Variants in GREM2 observed in about 807,000 individuals in gnomAD.
GREM2 encodes gremlin-2.
In GREM2, 11 loss-of-function variants were observed where a neutral mutation model predicts 14.2. The ratio of observed to expected loss-of-function variants is 0.78; its 90% CI spans 0.49 to 1.28. The LOEUF (loss-of-function observed/expected upper bound fraction) is 1.28, where lower values mean the gene tolerates loss of function less well. GREM2 is among the 50% of genes most tolerant of loss of function. The pLI, the probability that GREM2 is intolerant of heterozygous loss-of-function variation, is 0.00. For synonymous variants in GREM2, 98 were observed against 97.6 expected (o/e 1.00, Z -0.02); for missense variants, 210 against 218.5 (o/e 0.96, Z 0.24).
chr1:240,499,512 T>G (rs1677515379), intron 1 of GREM2, among the ~76,000 whole-genome samples: 1 of 152,176 alleles, frequency 6.6e-6, no homozygotes, highest in East Asian at 1.9e-4. Context: ...AGATTACACT[T>G]CAGAGGTCAT....
rs765383055 is a variant in GREM2, at chr1:240,554,412, GAAAAAAA to G, written c.-2+57465_-2+57471del. Among the ~76,000 whole-genome samples, 4 of 113,520 alleles carry G rather than the reference GAAAAAAA, an allele frequency of 3.5e-5. No homozygotes were observed. In the South Asian group the frequency reaches 1.1e-3, roughly 31 times the overall value. 74.5% of individuals were successfully genotyped at this position (113,520 alleles called of 152,430 possible). On this transcript the variant is annotated intron_variant, in intron 1 of 1. Coordinates refer to ENST00000318160, the MANE Select transcript of GREM2 (RefSeq NM_022469.4). ...GGTGACAAGAAAGAAACTCCGTCTC[GAAAAAAA>G]AAAAAAAAGATGAGGTCTCACTATG...
At chr1:240,553,582 A>G (rs548898773) in intron 1 of GREM2, among the ~76,000 whole-genome samples, 1 of 152,324 alleles carries the variant, frequency 6.6e-6, no homozygotes, top group South Asian at 2.1e-4. Flanking sequence ...CACTTTAAAC[A>G]GTTAACACTT....
intron 1 of GREM2, among the ~76,000 whole-genome samples, chr1:240,503,708 C>A (rs891343006): frequency 2.6e-5 from 4 of 152,212 alleles, no homozygotes; most frequent in Admixed American, 6.5e-5. Flanking sequence ...GATATTATTT[C>A]TCTGGCCACT....
intron 1 of GREM2, among the ~76,000 whole-genome samples, chr1:240,525,632 C>T (rs1028327084): frequency 1.3e-5 from 2 of 152,058 alleles, no homozygotes; most frequent in South Asian, 2.1e-4. Flanking sequence ...GTGTGCACCA[C>T]CACACCTGGC....
intron 1 of GREM2, among the ~76,000 whole-genome samples, chr1:240,595,699 T>G (rs1679807943): frequency 6.6e-6 from 1 of 152,088 alleles, no homozygotes; most frequent in Non-Finnish European, 1.5e-5. Flanking sequence ...CCGAGTTGGG[T>G]CTGAATTCTG....
intron 1 of GREM2, among the ~76,000 whole-genome samples, chr1:240,567,568 C>A (rs1679193993): frequency 6.6e-6 from 1 of 151,944 alleles, no homozygotes; most frequent in Non-Finnish European, 1.5e-5. Context: ...ATTCAATATT[C>A]AACAAAATGA....
At chr1:240,564,747 A>G (rs1679143105) in intron 1 of GREM2, among the ~76,000 whole-genome samples, 2 of 152,188 alleles carry the variant, frequency 1.3e-5, no homozygotes, top group Admixed American at 6.5e-5. Context: ...TAACTGCAAT[A>G]GATTAATATT....
chr1:240,496,353 CCTAT>C (rs138798366), intron 1 of GREM2, among the ~76,000 whole-genome samples: 9,503 of 152,230 alleles, frequency 0.062, 726 homozygotes, highest in African/African-American at 0.19. Flanking sequence ...CTGGAAATAG[CCTAT>C]CTGTTTCTAG....
At chr1:240,538,607 A>G (rs1678525359) in intron 1 of GREM2, among the ~76,000 whole-genome samples, 1 of 152,044 alleles carries the variant, frequency 6.6e-6, no homozygotes, top group African/African-American at 2.4e-5. Flanking sequence ...AGTCCCAGCG[A>G]CTTGGGAGAC....
At chr1:240,507,357 T>A (rs1464364491) in intron 1 of GREM2, among the ~76,000 whole-genome samples, 1 of 149,060 alleles carries the variant, frequency 6.7e-6, no homozygotes, top group African/African-American at 2.5e-5. Flanking sequence ...TCTTTCTTTC[T>A]CTAGCTCTTT....
At chr1:240,592,789 G>C (rs1679737084) in intron 1 of GREM2, among the ~76,000 whole-genome samples, 1 of 152,080 alleles carries the variant, frequency 6.6e-6, no homozygotes, top group Non-Finnish European at 1.5e-5. Flanking sequence ...TGTGAGGCTT[G>C]GACTTGCCCT....
chr1:240,547,448 C>T (rs920606979), intron 1 of GREM2, among the ~76,000 whole-genome samples: 5 of 144,836 alleles, frequency 3.5e-5, no homozygotes, highest in Admixed American at 7.1e-5. Flanking sequence ...TGCAGTGAGC[C>T]GAAATCACAC....
intron 1 of GREM2, among the ~76,000 whole-genome samples, chr1:240,594,728 GTATA>G (rs928017758): frequency 1.3e-5 from 2 of 151,406 alleles, no homozygotes; most frequent in African/African-American, 4.9e-5. Flanking sequence ...TTATATATAT[GTATA>G]TATATATTCA....
At chr1:240,547,530 T>TAG (rs1261827538) in intron 1 of GREM2, among the ~76,000 whole-genome samples, 21 of 137,268 alleles carry the variant, frequency 1.5e-4, no homozygotes, top group African/African-American at 3.6e-4. Context: ...TATATATATA[T>TAG]ATATAGATAG....
Position 240,493,434 on chromosome 1 carries a change from C to A in GREM2, c.42G>T (p.Val14=). The A allele has an allele frequency of 6.2e-7, 1 of 1,611,382 alleles. No homozygotes were observed. Among genetic ancestry groups the A allele is most frequent in the African/African-American group, 1.3e-5 (1 of 75,036 alleles). The part of the protein sequence containing the change: ...KLSLSLFLVA[V]LVKVAEARKN... Reference sequence around the variant, plus strand: ...TCCGGGCTTCCGCCACCTTCACCAGCACCGCCACCAGGAACAAGGACAGGG... The same window carrying A: ...TCCGGGCTTCCGCCACCTTCACCAGAACCGCCACCAGGAACAAGGACAGGG... Residue 14 remains valine (V), a synonymous_variant, in exon 2 of 2, where the codon GTG becomes GTT. Coordinates refer to ENST00000318160, the MANE Select transcript of GREM2 (RefSeq NM_022469.4).
At chr1:240,565,612 C>T (rs899597690) in intron 1 of GREM2, among the ~76,000 whole-genome samples, 1 of 151,802 alleles carries the variant, frequency 6.6e-6, no homozygotes, top group African/African-American at 2.4e-5. Context: ...TTTAGGAGGC[C>T]GAGGTGGGCA....
intron 1 of GREM2, among the ~76,000 whole-genome samples, chr1:240,520,082 A>AAAAATAAATAAAAT (rs372597418): frequency 4.8e-5 from 7 of 144,334 alleles, no homozygotes; most frequent in East Asian, 4.1e-4. Flanking sequence ...CTCCATCCCA[A>AAAAATAAATAAAAT]AAAATAAAAT....
At chr1:240,576,423 C>T (rs1283494087) in intron 1 of GREM2, among the ~76,000 whole-genome samples, 1 of 152,212 alleles carries the variant, frequency 6.6e-6, no homozygotes, top group Non-Finnish European at 1.5e-5. Context: ...GGTCACGTTA[C>T]TAGCATCACC....
chr1:240,539,410 C>A (rs545339161), intron 1 of GREM2, among the ~76,000 whole-genome samples: 1 of 152,180 alleles, frequency 6.6e-6, no homozygotes, highest in Non-Finnish European at 1.5e-5. Context: ...TGTGTACCTA[C>A]TACTTTGAGA....
Sources: gnomAD v4.1 joint callset for allele counts (sites outside exome capture counted in the v4.1 genomes callset) on GRCh38, gnomAD v4.1.1 for gene constraint, MANE v1.5 for transcripts, NCBI Gene and HGNC (gene_info 2026-07-23, HGNC 2026-07-21) for gene names.